ATP8B1: variants seen among roughly 807,000 people sequenced by gnomAD.
ATP8B1 encodes phospholipid-transporting ATPase IC.
In ATP8B1, 80 loss-of-function variants were observed where a neutral mutation model predicts 149.9. The observed-to-expected ratio is 0.53, with a 90% CI of 0.45 to 0.64. The LOEUF (loss-of-function observed/expected upper bound fraction) is 0.64, where lower values mean the gene tolerates loss of function less well. Ranked by LOEUF, ATP8B1 falls within the 30% of genes least tolerant of loss-of-function variation. ATP8B1 has a pLI of 0.00. For synonymous variants in ATP8B1, 536 were observed against 562.8 expected (o/e 0.95, Z 0.67); for missense variants, 1,247 against 1,552.6 (o/e 0.80, Z 3.31).
chr18:57,778,291 T>C (rs991250087), intron 1 of ATP8B1, among the ~76,000 whole-genome samples: 2 of 150,420 alleles, frequency 1.3e-5, no homozygotes, highest in African/African-American at 4.9e-5. Context: ...AGTGGTGCGA[T>C]CTCGGCTCAC....
intron 1 of ATP8B1, among the ~76,000 whole-genome samples, chr18:57,763,764 A>C (rs2080179503): frequency 6.6e-6 from 1 of 152,194 alleles, no homozygotes; most frequent in Non-Finnish European, 1.5e-5. Context: ...TAAACATGTC[A>C]ATCTTTCCCT....
intron 12 of ATP8B1, among the ~76,000 whole-genome samples, chr18:57,690,938 G>T (rs1912496814): frequency 6.6e-6 from 1 of 152,144 alleles, no homozygotes; most frequent in African/African-American, 2.4e-5. Flanking sequence ...CACTTTGGGA[G>T]GTGAGGTGGG....
intron 13 of ATP8B1, among the ~76,000 whole-genome samples, chr18:57,687,321 A>G (rs1368623569): frequency 2.0e-5 from 3 of 152,224 alleles, no homozygotes; most frequent in African/African-American, 7.2e-5. Context: ...ACTTCATATA[A>G]GTAGAATTAT....
At chr18:57,733,778 T>C (rs557210481) in intron 1 of ATP8B1, among the ~76,000 whole-genome samples, 61 of 152,164 alleles carry the variant, frequency 4.0e-4, no homozygotes, top group African/African-American at 1.4e-3. Flanking sequence ...TGCTCTATTT[T>C]TGTACTATGG....
intron 22 of ATP8B1, among the ~76,000 whole-genome samples, chr18:57,658,345 C>T (rs1293291200): frequency 6.6e-6 from 1 of 152,184 alleles, no homozygotes; most frequent in Admixed American, 6.5e-5. Context: ...CCACCATGCC[C>T]CACCTTGCCT....
chr18:57,658,747 T>C (rs1476774696), intron 22 of ATP8B1, among the ~76,000 whole-genome samples: 2 of 150,680 alleles, frequency 1.3e-5, no homozygotes, highest in Non-Finnish European at 3.0e-5. Flanking sequence ...CTCACTGTAG[T>C]CTCAACTTCT....
intron 3 of ATP8B1, among the ~76,000 whole-genome samples, chr18:57,705,390 A>G (rs1288120944): frequency 1.3e-5 from 2 of 152,236 alleles, no homozygotes; most frequent in African/African-American, 4.8e-5. Flanking sequence ...GTCCTGCAAA[A>G]GATATGTTCA....
At chr18:57,686,278 A>G (rs533477703) in intron 13 of ATP8B1, among the ~76,000 whole-genome samples, 2 of 152,128 alleles carry the variant, frequency 1.3e-5, no homozygotes, top group Non-Finnish European at 2.9e-5. Context: ...CAAAAACAAC[A>G]AAGAAAACAA....
chr18:57,707,044 C>T (rs1416174584), intron 2 of ATP8B1, among the ~76,000 whole-genome samples: 2 of 152,178 alleles, frequency 1.3e-5, no homozygotes, highest in Non-Finnish European at 2.9e-5. Context: ...CGGTGGCTCA[C>T]GCCTGTAATC....
At position 57,688,549 on chromosome 18, in the gene ATP8B1, CG is replaced by C. The variant is rs1912377627; in HGVS notation, c.1221-43del. The C allele has an allele frequency of 1.9e-6, 3 of 1,588,224 alleles. No individual in the cohort carries two copies. In the South Asian group the frequency reaches 3.3e-5, roughly 18 times the overall value. ...TTATTTTCCGTAGAGAGCTCGGATACGAGTGGCAAGTAGTAGAGATTTTATT... is the reference window on the plus strand; with the variant it reads ...TTATTTTCCGTAGAGAGCTCGGATACAGTGGCAAGTAGTAGAGATTTTATT... On this transcript the variant is annotated intron_variant, in intron 12 of 27. Transcript: ENST00000648908.
At chr18:57,694,437 C>A (rs369746323) in intron 11 of ATP8B1, 145 bp downstream of exon 11, 33 of 597,164 alleles carry the variant, frequency 5.5e-5, no homozygotes, top group Middle Eastern at 4.5e-4. Context: ...AAAATCCCTT[C>A]TTCCTGCATT....
chr18:57,746,492 GAGACAGAGTCT>G (rs952084201), intron 1 of ATP8B1, among the ~76,000 whole-genome samples: 1 of 22,624 alleles, frequency 4.4e-5, no homozygotes, highest in Admixed American at 4.5e-4. Flanking sequence ...TTTTTTTTTT[GAGACAGAGTCT>G]CACTCTGTCT....
chr18:57,757,990 T>C (rs1336420516), intron 1 of ATP8B1, among the ~76,000 whole-genome samples: 1 of 151,958 alleles, frequency 6.6e-6, no homozygotes, highest in Non-Finnish European at 1.5e-5. Flanking sequence ...ATCCCTATTA[T>C]ATATATACTT....
intron 2 of ATP8B1, among the ~76,000 whole-genome samples, chr18:57,719,296 C>G (rs1425779817): frequency 6.6e-6 from 1 of 152,202 alleles, no homozygotes; most frequent in East Asian, 1.9e-4. Context: ...TCTACAGCTC[C>G]CAGCGTGAGA....
chr18:57,748,003 C>T (rs1388198393), intron 1 of ATP8B1, among the ~76,000 whole-genome samples: 1 of 152,160 alleles, frequency 6.6e-6, no homozygotes, highest in Non-Finnish European at 1.5e-5. Context: ...CAACAGTCAG[C>T]AATTCTATCT....
intron 2 of ATP8B1, among the ~76,000 whole-genome samples, chr18:57,722,584 T>G (rs202016114): frequency 0.2 from 15,294 of 76,408 alleles, 887 homozygotes; most frequent in Middle Eastern, 0.27. Context: ...AATAACAGGA[T>G]CTGAAATTGT....
chr18:57,755,897 G>A (rs1374976259), intron 1 of ATP8B1, among the ~76,000 whole-genome samples: 2 of 151,970 alleles, frequency 1.3e-5, no homozygotes, highest in East Asian at 3.8e-4. Context: ...GCTTGCACGC[G>A]CCCAGACACC....
At chr18:57,665,254 C>T (rs1299433224) in intron 20 of ATP8B1, among the ~76,000 whole-genome samples, 2 of 151,926 alleles carry the variant, frequency 1.3e-5, no homozygotes, top group African/African-American at 2.4e-5. Context: ...AATGAAGATA[C>T]CTTCTATTCA....
chr18:57,792,646 G>A (rs2080475420), intron 1 of ATP8B1, among the ~76,000 whole-genome samples: 1 of 152,146 alleles, frequency 6.6e-6, no homozygotes, highest in African/African-American at 2.4e-5. Flanking sequence ...TGTTAGGGGT[G>A]ATGAAAAGGT....
Sources: gnomAD v4.1 joint callset for allele counts (sites outside exome capture counted in the v4.1 genomes callset) on GRCh38, gnomAD v4.1.1 for gene constraint, MANE v1.5 for transcripts, NCBI Gene and HGNC (gene_info 2026-07-23, HGNC 2026-07-21) for gene names.